The following SHTN1 variants were observed in gnomAD, a reference collection of about 807,000 sequenced individuals.
SHTN1 encodes shootin 1.
SHTN1 carries 42 observed loss-of-function variants against 83.1 expected under a neutral mutation model. That is an observed-to-expected ratio of 0.51 (90% CI 0.39 to 0.65). The LOEUF (loss-of-function observed/expected upper bound fraction) is 0.65, where lower values mean the gene tolerates loss of function less well. Among genes scored for constraint, SHTN1 ranks in the 30% least tolerant of loss-of-function variants. The probability of loss-of-function intolerance (pLI) is 0.00; values close to 1 mark genes in which losing one functional copy is unlikely to be tolerated. For synonymous variants in SHTN1, 224 were observed against 247.7 expected (o/e 0.90, Z 0.90); for missense variants, 622 against 737.8 (o/e 0.84, Z 1.82).
chr10:117,000,319 T>C (rs1851779790), intron 1 of SHTN1, among the ~76,000 whole-genome samples: 1 of 152,218 alleles, frequency 6.6e-6, no homozygotes, highest in Admixed American at 6.5e-5. Flanking sequence ...TTTCCTGGCC[T>C]AGAAGCCAAT....
intron 1 of SHTN1, among the ~76,000 whole-genome samples, chr10:116,997,426 G>T (rs142653685): frequency 6.6e-6 from 1 of 152,306 alleles, no homozygotes; most frequent in African/African-American, 2.4e-5. Flanking sequence ...TTGAGGGACA[G>T]ATTATTTTTT....
chr10:117,096,427 TA>T (rs1222438466), intron 1 of SHTN1, among the ~76,000 whole-genome samples: 3 of 152,154 alleles, frequency 2.0e-5, no homozygotes, highest in Non-Finnish European at 4.4e-5. Context: ...GAACTTTTTT[TA>T]AAAGAGAGAA....
chr10:116,881,520 AAAG>A lies in SHTN1; in HGVS notation c.*4821_*4823del, dbSNP rs1371706501. ...TTTATTGTTACTTTAAATAGGTTTC[AAAG>A]AAGAACACACTTTTTTTTACTTTAA... On this transcript the variant is annotated 3_prime_UTR_variant, in exon 17 of 17. Transcript: ENST00000355371. The A allele has an allele frequency of 4.4e-5, 67 of 1,539,194 alleles. No homozygotes were observed. Among genetic ancestry groups the A allele is most frequent in the Non-Finnish European group, 3.8e-5 (43 of 1,143,048 alleles).
intron 16 of SHTN1, among the ~76,000 whole-genome samples, chr10:116,890,540 T>C (rs1427593329): frequency 6.6e-6 from 1 of 152,252 alleles, no homozygotes; most frequent in Non-Finnish European, 1.5e-5. Context: ...TTCATATAGA[T>C]ATTTTTCACG....
At chr10:117,085,662 A>G (rs1315169964) in intron 1 of SHTN1, among the ~76,000 whole-genome samples, 16 of 152,286 alleles carry the variant, frequency 1.1e-4, no homozygotes, top group East Asian at 3.9e-4. Context: ...CAGTTCAACT[A>G]TGTCTTTATT....
At position 116,988,219 on chromosome 10, in the gene SHTN1, G is replaced by A. The variant is rs185510163; in HGVS notation, c.59-8911C>T. Among the ~76,000 whole-genome samples the A allele has an allele frequency of 2.6e-5, 4 of 151,890 alleles. No homozygotes were observed. The East Asian group carries it at 7.7e-4, about 29-fold the overall frequency. ...AGAAATGAGAGTAGGAAAAGGTGAA[G>A]AGGTATGTGAATATTCTCTGTATTT... On this transcript the variant is annotated intron_variant, in intron 1 of 16. Coordinates refer to ENST00000355371, the MANE Select transcript of SHTN1 (RefSeq NM_001127211.3).
chr10:117,117,941 A>G (rs2133644040), intron 1 of SHTN1, among the ~76,000 whole-genome samples: 1 of 152,328 alleles, frequency 6.6e-6, no homozygotes, highest in East Asian at 1.9e-4. Flanking sequence ...TTAAACTACC[A>G]AAAGAAAAAA....
intron 2 of SHTN1, among the ~76,000 whole-genome samples, chr10:117,037,896 CT>C (rs1852522712): frequency 1.6e-5 from 1 of 61,888 alleles, no homozygotes; most frequent in Admixed American, 2.1e-4. Context: ...TTCCCAGGTA[CT>C]TGGGGAGGTG....
At chr10:116,907,178 G>T (rs752273159) in intron 14 of SHTN1, among the ~76,000 whole-genome samples, 11 of 152,298 alleles carry the variant, frequency 7.2e-5, no homozygotes, top group South Asian at 2.1e-4. Flanking sequence ...TGAAAAATGT[G>T]TGACTGATCC....
intron 5 of SHTN1, among the ~76,000 whole-genome samples, chr10:116,952,716 A>G (rs1421681841): frequency 6.6e-6 from 1 of 152,244 alleles, no homozygotes; most frequent in Non-Finnish European, 1.5e-5. Context: ...AGATTAGCAC[A>G]GACTACTCAA....
At chr10:117,111,161 G>A (rs971223280) in intron 1 of SHTN1, among the ~76,000 whole-genome samples, 1 of 151,902 alleles carries the variant, frequency 6.6e-6, no homozygotes, top group Non-Finnish European at 1.5e-5. Context: ...TCATGCCACT[G>A]CTCTCCAGCC....
intron 6 of SHTN1, among the ~76,000 whole-genome samples, chr10:116,951,192 G>A (rs1363096397): frequency 2.6e-5 from 4 of 152,200 alleles, no homozygotes; most frequent in African/African-American, 9.6e-5. Context: ...GGAGGCCAAG[G>A]TGGGAAGATC....
chr10:116,893,819 T>C (rs1847423984), intron 16 of SHTN1, among the ~76,000 whole-genome samples: 1 of 152,216 alleles, frequency 6.6e-6, no homozygotes, highest in Non-Finnish European at 1.5e-5. Flanking sequence ...TTATGCCAAG[T>C]TTCCCTAAAG....
chr10:117,050,432 CAT>C (rs1264860628), intron 1 of SHTN1, among the ~76,000 whole-genome samples: 1 of 151,934 alleles, frequency 6.6e-6, no homozygotes, highest in African/African-American at 2.4e-5. Flanking sequence ...TATATAAAAA[CAT>C]ATGGATGCAG....
At chr10:116,905,195 C>T (rs1227499126) in intron 15 of SHTN1, among the ~76,000 whole-genome samples, 1 of 128,566 alleles carries the variant, frequency 7.8e-6, no homozygotes, top group Middle Eastern at 5.2e-3. Flanking sequence ...GGCGACAGAG[C>T]GAGACTCCGT....
intron 2 of SHTN1, among the ~76,000 whole-genome samples, chr10:117,022,829 G>T (rs1852282971): frequency 6.6e-6 from 1 of 152,156 alleles, no homozygotes; most frequent in South Asian, 2.1e-4. Context: ...GCTGAGGCAG[G>T]AGAATCACTT....
chr10:117,076,276 T>G (rs1382330461), intron 1 of SHTN1, among the ~76,000 whole-genome samples: 1 of 152,104 alleles, frequency 6.6e-6, no homozygotes, highest in Non-Finnish European at 1.5e-5. Context: ...ACTGTTTAAT[T>G]TAGGAAAGTG....
intron 4 of SHTN1, among the ~76,000 whole-genome samples, chr10:116,957,831 G>A (rs1019638652): frequency 5.3e-5 from 8 of 152,032 alleles, no homozygotes; most frequent in East Asian, 2.0e-4. Context: ...AGGCTAAGGC[G>A]GGCAGGTCAC....
chr10:116,943,026 A>T (rs974845801), intron 8 of SHTN1, among the ~76,000 whole-genome samples: 2 of 152,252 alleles, frequency 1.3e-5, no homozygotes, highest in Non-Finnish European at 2.9e-5. Context: ...TTTTAAAAAA[A>T]AGTTTTCTTC....
Sources: allele counts gnomAD v4.1 joint callset (sites outside exome capture counted in the v4.1 genomes callset), GRCh38; gene constraint gnomAD v4.1.1; transcripts MANE v1.5; gene names NCBI Gene and HGNC (gene_info 2026-07-23, HGNC 2026-07-21).